Variants in SYNGR1 observed in about 807,000 individuals in gnomAD.
The protein encoded by SYNGR1 is synaptogyrin 1.
Under a neutral mutation model 26.1 loss-of-function variants are expected in SYNGR1, and 14 were observed. The ratio of observed to expected loss-of-function variants is 0.54; its 90% CI spans 0.35 to 0.84. The LOEUF is 0.84. SYNGR1 is among the 40% of genes least tolerant of loss of function. SYNGR1 has a pLI of 0.01. For missense variants in SYNGR1, 319 were observed against 332.9 expected, an observed-to-expected ratio of 0.96 and a Z score of 0.33; for synonymous variants, 141 against 150.1, an observed-to-expected ratio of 0.94 and a Z score of 0.44.
intron 1 of SYNGR1, among the ~76,000 whole-genome samples, chr22:39,361,146 G>A (rs1275685317): frequency 6.6e-6 from 1 of 152,190 alleles, no homozygotes; most frequent in African/African-American, 2.4e-5. Context: ...GGGGATGACT[G>A]ACAGAGTTCT....
Position 39,350,147 on chromosome 22 carries a change from G to T in SYNGR1, c.99+38G>T. On this transcript the variant is annotated intron_variant, in intron 1 of 3. Coordinates refer to ENST00000328933, the MANE Select transcript of SYNGR1 (RefSeq NM_004711.5). The surrounding 1 kb of genome is among the most constrained non-coding windows in gnomAD (Gnocchi z 4.3). ...TGGCCGACGGCTCTGCCAGGCCGGGGTGGTGGGGGTGTGAGCAAAGGCGGC... is the reference window on the plus strand; with the variant it reads ...TGGCCGACGGCTCTGCCAGGCCGGGTTGGTGGGGGTGTGAGCAAAGGCGGC... 2 of 1,352,284 alleles carry T rather than the reference G, an allele frequency of 1.5e-6. No individual in the cohort carries two copies. The highest frequency in any genetic ancestry group is 3.0e-5 in the South Asian group (2 of 67,596). 83.8% of individuals were successfully genotyped at this position (1,352,284 alleles called of 1,614,324 possible).
At chr22:39,375,734 T>A in intron 2 of SYNGR1, 1 of 595,842 alleles carries the variant, frequency 1.7e-6, no homozygotes, top group Non-Finnish European at 3.0e-6. Context: ...GCGGCCTGAG[T>A]TGATTACCTT....
intron 1 of SYNGR1, chr22:39,364,397 G>A: frequency 1.3e-6 from 2 of 1,585,314 alleles, no homozygotes; most frequent in Non-Finnish European, 1.7e-6. Context: ...GCTTTGTGGG[G>A]ATGATTTGCA....
intron 2 of SYNGR1, 129 bp from the exon 3 acceptor site, chr22:39,375,923 G>C (rs777461017): frequency 7.9e-7 from 1 of 1,267,320 alleles, no homozygotes; most frequent in Non-Finnish European, 1.2e-6. Flanking sequence ...CTGTCCCTTT[G>C]GGGGTGGGGG....
intron 1 of SYNGR1, among the ~76,000 whole-genome samples, chr22:39,373,175 A>ATT (rs572259594): frequency 2.1e-5 from 3 of 144,914 alleles, no homozygotes; most frequent in African/African-American, 7.6e-5. Flanking sequence ...ACATAGATAG[A>ATT]TTTTTTTTTT....
In SYNGR1 at chr22:39,381,869, C is replaced by T. The variant is rs1258313248; in HGVS notation, c.657C>T (p.Asn219=). 1.2e-6 allele frequency: 2 copies of T among 1,612,886 alleles called. No individual in the cohort carries two copies. The highest frequency in any genetic ancestry group is 1.7e-6 in the Non-Finnish European group (2 of 1,179,874). ...GMGGTYQQPA[N]TFDTEPQGYQ... ...GCGGCACCTACCAGCAGCCGGCCAACACCTTCGACACCGAGCCCCAGGGCT... is the reference window on the plus strand; with the variant it reads ...GCGGCACCTACCAGCAGCCGGCCAATACCTTCGACACCGAGCCCCAGGGCT... The change falls in exon 4 of 4, where the codon AAC becomes AAT. Residue 219 remains asparagine (N), a synonymous_variant. Transcript: ENST00000328933.
chr22:39,350,197 AC>A lies in SYNGR1; in HGVS notation c.99+92del. 1 of 915,264 alleles carries A rather than the reference AC, an allele frequency of 1.1e-6. No individual in the cohort carries two copies. Among genetic ancestry groups the A allele is most frequent in the Non-Finnish European group, 1.4e-6 (1 of 715,342 alleles). The allele number at this position is 915,264 out of a possible 1,614,324, so 56.7% of individuals were successfully genotyped here. ...CGCGCCCGGACCGACCCCGACCCCG[AC>A]CCCAACGGGCCCCCGGCGGCGGCGC... is the stretch of plus-strand genomic sequence containing the variant. On this transcript the variant is annotated intron_variant, in intron 1 of 3. Transcript: ENST00000328933. This position sits in a 1 kb window ranked among gnomAD's most constrained non-coding sequence, Gnocchi z 4.3.
intron 1 of SYNGR1, among the ~76,000 whole-genome samples, chr22:39,374,074 A>G (rs1925153648): frequency 6.6e-6 from 1 of 152,136 alleles, no homozygotes; most frequent in Admixed American, 6.5e-5. Context: ...GGCCACATCT[A>G]TGGTCAGAGA....
At position 39,377,657 on chromosome 22, in the gene SYNGR1, C is replaced by T. The variant is rs757408238; in HGVS notation, c.483+1460C>T. 1.9e-6 allele frequency: 3 copies of T among 1,614,000 alleles called. No individual in the cohort carries two copies. The South Asian group carries it at 3.3e-5, about 18-fold the overall frequency. ...AGGACCTAAGCTTCCAGGAGGAGTA[C>T]AGCACACTGTTCCCTGCCTCGGCAC... On this transcript the variant is annotated intron_variant, in intron 3 of 3. Transcript: ENST00000328933.
chr22:39,367,872 C>T (rs946453613), intron 1 of SYNGR1, among the ~76,000 whole-genome samples: 23 of 151,932 alleles, frequency 1.5e-4, no homozygotes, highest in African/African-American at 5.6e-4. Flanking sequence ...GCTCACCAGG[C>T]CTTGTCCCGC....
intron 1 of SYNGR1, among the ~76,000 whole-genome samples, chr22:39,357,919 G>A (rs1460352050): frequency 6.6e-6 from 1 of 152,234 alleles, no homozygotes; most frequent in Non-Finnish European, 1.5e-5. Flanking sequence ...GAGCCTCCCC[G>A]ATGAGCACCA....
At chr22:39,363,943 G>A (rs1453945027) in intron 1 of SYNGR1, among the ~76,000 whole-genome samples, 1 of 152,158 alleles carries the variant, frequency 6.6e-6, no homozygotes, top group African/African-American at 2.4e-5. Context: ...AGCCAGCATT[G>A]TCTAAAAACG....
chr22:39,374,494 C>T lies in SYNGR1; in HGVS notation c.278C>T (p.Pro93Leu), dbSNP rs765177986. 20 of 1,613,662 alleles carry T rather than the reference C, an allele frequency of 1.2e-5. No homozygotes were observed. Among genetic ancestry groups the T allele is most frequent in the Non-Finnish European group, 1.3e-5 (15 of 1,180,036 alleles). Residue 93 changes from proline to leucine, a missense_variant, in exon 2 of 4, where the codon CCG becomes CTG. By Grantham distance (98) the Pro-to-Leu change is moderately conservative. Transcript: ENST00000328933. The stretch of plus-strand genomic sequence containing the variant: ...TACCTGGCCCTGGACGTGTACTTCC[C>T]GCAGATCAGCAGCGTCAAGGACCGC... ...LLYLALDVYF[P>L]QISSVKDRKK...
intron 3 of SYNGR1, chr22:39,377,799 G>A: frequency 6.5e-7 from 1 of 1,539,544 alleles, no homozygotes; most frequent in Non-Finnish European, 8.7e-7. Context: ...GCAGGGCAGT[G>A]GAAGGCTGGC....
At chr22:39,376,230 C>T (rs1040441537) in intron 3 of SYNGR1, 33 bp downstream of exon 3, 15 of 1,613,724 alleles carry the variant, frequency 9.3e-6, no homozygotes, top group Middle Eastern at 1.7e-4. Context: ...AGCCCACACT[C>T]GTCCCCTTTC....
Position 39,374,550 on chromosome 22 carries a change from T to G in SYNGR1, c.334T>G (p.Ser112Ala). The G allele has an allele frequency of 6.2e-7, 1 of 1,613,060 alleles. No homozygotes were observed. The highest frequency in any genetic ancestry group is 1.1e-5 in the South Asian group (1 of 91,078). ...AGCCGTCCTGTCCGACATCGGTGTC[T>G]CGGGTGAGCCCCACCCAGCAGGTAC... The part of the protein sequence containing the change: ...KKAVLSDIGV[S>A]AFWAFLWFVG... Residue 112 changes from serine (S) to alanine (A), a missense_variant, in exon 2 of 4, where the codon TCG (serine) becomes GCG (alanine). Transcript: ENST00000328933.
intron 3 of SYNGR1, chr22:39,378,373 G>GTTCGTTCA: frequency 1.1e-6 from 1 of 870,362 alleles, no homozygotes; most frequent in Non-Finnish European, 1.4e-6. Flanking sequence ...AAGCTCTTTT[G>GTTCGTTCA]TTCATTCATT....
chr22:39,372,046 T>G (rs1925046294), intron 1 of SYNGR1, among the ~76,000 whole-genome samples: 1 of 151,736 alleles, frequency 6.6e-6, no homozygotes, highest in Non-Finnish European at 1.5e-5. Context: ...TGCCTCAGGG[T>G]CTCTCACAAG....
chr22:39,359,630 C>CAAA (rs60500594), intron 1 of SYNGR1, among the ~76,000 whole-genome samples: 1 of 78,136 alleles, frequency 1.3e-5, no homozygotes, highest in Non-Finnish European at 2.4e-5. Flanking sequence ...GACTCTGTCT[C>CAAA]AAAAAAAAAA....
Sources: gnomAD v4.1 joint callset for allele counts (sites outside exome capture counted in the v4.1 genomes callset) on GRCh38, gnomAD v4.1.1 for gene constraint, Gnocchi (gnomAD v3.1) non-coding constraint, MANE v1.5 for transcripts, NCBI Gene and HGNC (gene_info 2026-07-23, HGNC 2026-07-21) for gene names.